Variants in LRP12 observed in about 807,000 individuals in gnomAD.
LRP12 encodes the protein low-density lipoprotein receptor-related protein 12.
Under a neutral mutation model 66.0 loss-of-function variants are expected in LRP12, and 14 were observed. That is an observed-to-expected ratio of 0.21 (90% CI 0.14 to 0.33). The LOEUF is 0.33. LRP12 is among the 10% of genes least tolerant of loss of function. LRP12 has a pLI of 1.00. For missense variants in LRP12, 889 were observed against 1,053.4 expected, an observed-to-expected ratio of 0.84 and a Z score of 2.16; for synonymous variants, 357 against 359.1, an observed-to-expected ratio of 0.99 and a Z score of 0.07.
intron 2 of LRP12, among the ~76,000 whole-genome samples, chr8:104,529,804 T>C (rs1174403135): frequency 2.0e-5 from 3 of 152,218 alleles, no homozygotes; most frequent in Non-Finnish European, 4.4e-5. Flanking sequence ...AGATTCCACA[T>C]TGCAACTAAC....
intron 2 of LRP12, among the ~76,000 whole-genome samples, chr8:104,524,894 T>C (rs1811207120): frequency 6.6e-6 from 1 of 152,236 alleles, no homozygotes; most frequent in East Asian, 1.9e-4. Context: ...TACAGAGTAA[T>C]TCAGTTTAAA....
chr8:104,544,207 A>G (rs1397447409), intron 1 of LRP12, among the ~76,000 whole-genome samples: 5 of 152,156 alleles, frequency 3.3e-5, no homozygotes, highest in Non-Finnish European at 1.5e-5. Context: ...CACACAGAAC[A>G]CTTCAATTCT....
At chr8:104,530,753 T>G (rs1170041653) in intron 2 of LRP12, among the ~76,000 whole-genome samples, 1 of 152,222 alleles carries the variant, frequency 6.6e-6, no homozygotes, top group Non-Finnish European at 1.5e-5. Flanking sequence ...ACAAACATAC[T>G]TTATAGTTAC....
intron 3 of LRP12, among the ~76,000 whole-genome samples, chr8:104,503,827 T>G (rs1171791621): frequency 6.6e-6 from 1 of 152,340 alleles, no homozygotes; most frequent in East Asian, 1.9e-4. Flanking sequence ...CACTGATTTC[T>G]ATCTGTTGCA....
At chr8:104,569,749 G>A (rs1812051612) in intron 1 of LRP12, among the ~76,000 whole-genome samples, 1 of 151,902 alleles carries the variant, frequency 6.6e-6, no homozygotes, top group Admixed American at 6.6e-5. Flanking sequence ...GCCCATGATG[G>A]AAAACAGGCA....
chr8:104,546,415 C>A (rs1811557932), intron 1 of LRP12, among the ~76,000 whole-genome samples: 1 of 152,154 alleles, frequency 6.6e-6, no homozygotes, highest in Non-Finnish European at 1.5e-5. Flanking sequence ...CGCTCCCACA[C>A]CTTTAAAGCT....
At chr8:104,557,116 G>A (rs186971683) in intron 1 of LRP12, among the ~76,000 whole-genome samples, 2 of 152,230 alleles carry the variant, frequency 1.3e-5, no homozygotes, top group East Asian at 3.9e-4. Flanking sequence ...ATACATTAAG[G>A]CAATAAAAGC....
chr8:104,559,886 G>GT (rs1463984165), intron 1 of LRP12, among the ~76,000 whole-genome samples: 5 of 152,178 alleles, frequency 3.3e-5, no homozygotes, highest in African/African-American at 1.2e-4. Context: ...TAATTAGCAT[G>GT]TATCTGTTGC....
intron 4 of LRP12, 41 bp downstream of exon 4, chr8:104,499,276 C>T: frequency 6.7e-7 from 1 of 1,497,946 alleles, no homozygotes; most frequent in Non-Finnish European, 9.2e-7. Context: ...CAGTTAATAC[C>T]ATAAAATTCA....
intron 2 of LRP12, among the ~76,000 whole-genome samples, chr8:104,521,864 G>A (rs987300249): frequency 6.6e-6 from 1 of 151,770 alleles, no homozygotes; most frequent in Non-Finnish European, 1.5e-5. Context: ...TTTAACAAGA[G>A]GTCCAGGTAC....
intron 1 of LRP12, among the ~76,000 whole-genome samples, chr8:104,532,824 C>A (rs1240594096): frequency 6.6e-6 from 1 of 152,028 alleles, no homozygotes; most frequent in African/African-American, 2.4e-5. Flanking sequence ...TGTAGGAGAA[C>A]AGAATTTGTG....
At chr8:104,576,570 G>A (rs75195532) in intron 1 of LRP12, among the ~76,000 whole-genome samples, 4,675 of 152,174 alleles carry the variant, frequency 0.031, 239 homozygotes, top group African/African-American at 0.11. Flanking sequence ...GAAGGAATTC[G>A]TTACCACCAG....
Position 104,499,462 on chromosome 8 carries a change from T to G in LRP12, c.330A>C (p.Ile110=), listed in dbSNP as rs1810789981. 1 of 1,613,648 alleles carries G rather than the reference T, an allele frequency of 6.2e-7. No individual in the cohort carries two copies. The highest frequency in any genetic ancestry group is 8.5e-7 in the Non-Finnish European group (1 of 1,179,818). ...SRRCNLDWLT[I]ETYKNIESYR... ...AACTTTCAATATTCTTGTATGTTTC[T>G]ATTGTCAACCAGTCCAAATTGCACC... The change falls in exon 4 of 7, where the codon ATA becomes ATC. Residue 110 remains isoleucine, a synonymous_variant. Transcript: ENST00000276654.
rs1045291158 is a variant in LRP12, at chr8:104,589,237, C to T, written c.-340G>A. Among the ~76,000 whole-genome samples, 1 of 151,824 alleles carries T rather than the reference C, an allele frequency of 6.6e-6. No individual in the cohort carries two copies. Among genetic ancestry groups the T allele is most frequent in the Non-Finnish European group, 1.5e-5 (1 of 67,878 alleles). ...CCGGCCTCGCGCCGCTCGGGCTAGC[C>T]GGCGCCGCCACTCGCCAGACTGAGC... On this transcript the variant is annotated 5_prime_UTR_variant, in exon 1 of 7. Coordinates refer to ENST00000276654, the MANE Select transcript of LRP12 (RefSeq NM_013437.5).
At chr8:104,579,407 A>G (rs1372305416) in intron 1 of LRP12, among the ~76,000 whole-genome samples, 1 of 152,182 alleles carries the variant, frequency 6.6e-6, no homozygotes, top group Non-Finnish European at 1.5e-5. Flanking sequence ...GAACTATAAA[A>G]CTACGCTTAC....
intron 1 of LRP12, among the ~76,000 whole-genome samples, chr8:104,576,691 A>T (rs549604910): frequency 6.6e-6 from 1 of 152,332 alleles, no homozygotes; most frequent in African/African-American, 2.4e-5. Flanking sequence ...CTATAAAGCA[A>T]CTGCATAAAC....
chr8:104,528,235 C>A (rs1811270900), intron 2 of LRP12, among the ~76,000 whole-genome samples: 1 of 152,140 alleles, frequency 6.6e-6, no homozygotes, highest in Admixed American at 6.5e-5. Context: ...AATGGAGTAG[C>A]AGAGGTGAAA....
At chr8:104,586,323 A>T (rs1247359142) in intron 1 of LRP12, among the ~76,000 whole-genome samples, 48 of 152,220 alleles carry the variant, frequency 3.2e-4, no homozygotes, top group Non-Finnish European at 7.3e-5. Context: ...TGTATGTGAA[A>T]TGTTTCAAAA....
chr8:104,548,067 TATATA>T (rs1275669243), intron 1 of LRP12, among the ~76,000 whole-genome samples: 1 of 120,044 alleles, frequency 8.3e-6, no homozygotes, highest in African/African-American at 3.2e-5. Flanking sequence ...TTGTATATAA[TATATA>T]ATTCTGTTAT....
Sources: gnomAD v4.1 joint callset for allele counts (sites outside exome capture counted in the v4.1 genomes callset) on GRCh38, gnomAD v4.1.1 for gene constraint, MANE v1.5 for transcripts, NCBI Gene and HGNC (gene_info 2026-07-23, HGNC 2026-07-21) for gene names.